The following FBXL7 variants were observed in gnomAD, a reference collection of about 807,000 sequenced individuals.
FBXL7 encodes F-box and leucine rich repeat protein 7, also known as F-box/LRR-repeat protein 7.
Under a neutral mutation model 38.3 loss-of-function variants are expected in FBXL7, and 12 were observed. That is an observed-to-expected ratio of 0.31 (90% confidence interval 0.20 to 0.51). The LOEUF (loss-of-function observed/expected upper bound fraction) is 0.51, where lower values mean the gene tolerates loss of function less well. Among genes scored for constraint, FBXL7 ranks in the 20% least tolerant of loss-of-function variants. The pLI is 0.98. For synonymous variants in FBXL7, 297 were observed against 300.9 expected (o/e 0.99, Z 0.13); for missense variants, 567 against 676.4 (o/e 0.84, Z 1.79).
chr5:15,894,175 C>T (rs190086093), intron 2 of FBXL7, among the ~76,000 whole-genome samples: 15 of 152,338 alleles, frequency 9.8e-5, no homozygotes, highest in African/African-American at 3.4e-4. Context: ...ACTTGCTCCT[C>T]GCTTGAACTC....
intron 2 of FBXL7, among the ~76,000 whole-genome samples, chr5:15,780,134 C>T (rs1407700938): frequency 1.3e-5 from 2 of 152,106 alleles, no homozygotes; most frequent in African/African-American, 4.8e-5. Context: ...GTAACTGGAT[C>T]ACAGTTTGCA....
intron 1 of FBXL7, among the ~76,000 whole-genome samples, chr5:15,506,063 G>T (rs901010963): frequency 6.6e-6 from 1 of 152,044 alleles, no homozygotes; most frequent in Non-Finnish European, 1.5e-5. Flanking sequence ...ACAGTTTTAC[G>T]GATAGAATAT....
chr5:15,903,586 G>T (rs966310285), intron 2 of FBXL7, among the ~76,000 whole-genome samples: 1 of 152,056 alleles, frequency 6.6e-6, no homozygotes, highest in Non-Finnish European at 1.5e-5. Flanking sequence ...TTTAAAGGAG[G>T]TTAGAAAACT....
At chr5:15,628,608 A>G (rs1411101305) in intron 2 of FBXL7, among the ~76,000 whole-genome samples, 2 of 152,336 alleles carry the variant, frequency 1.3e-5, no homozygotes, top group East Asian at 3.9e-4. Context: ...TAATCCATCC[A>G]TTAACACGTC....
At chr5:15,773,829 A>G (rs1035314267) in intron 2 of FBXL7, among the ~76,000 whole-genome samples, 1 of 151,960 alleles carries the variant, frequency 6.6e-6, no homozygotes, top group African/African-American at 2.4e-5. Context: ...GAACAGGGGG[A>G]TGAGTGAAAG....
rs554057489 is a variant in FBXL7, at chr5:15,602,513, A to C, written c.38-13470A>C. ...CCTACTTTTGGAGATGTGGGAGGGG[A>C]CAAGGCAGACATGGAGCCTACTCTC... On this transcript the variant is annotated intron_variant, in intron 1 of 3. Coordinates refer to ENST00000504595, the MANE Select transcript of FBXL7 (RefSeq NM_012304.5). 1.8e-3 allele frequency among the ~76,000 whole-genome samples: 276 copies of C among 152,288 alleles called. 1 individual carries two copies. The highest frequency in any genetic ancestry group is 6.4e-3 in the African/African-American group (268 of 41,570).
intron 2 of FBXL7, among the ~76,000 whole-genome samples, chr5:15,717,173 G>A (rs1455479678): frequency 6.6e-6 from 1 of 152,100 alleles, no homozygotes; most frequent in African/African-American, 2.4e-5. Context: ...AGTATTTGCC[G>A]GGGAAGGTCA....
chr5:15,641,232 C>T (rs1023454239), intron 2 of FBXL7, among the ~76,000 whole-genome samples: 6 of 152,178 alleles, frequency 3.9e-5, no homozygotes, highest in Non-Finnish European at 5.9e-5. Flanking sequence ...CCACCTAAAC[C>T]TTTCCATGAG....
At chr5:15,822,641 T>C (rs904877168) in intron 2 of FBXL7, among the ~76,000 whole-genome samples, 1 of 145,360 alleles carries the variant, frequency 6.9e-6, no homozygotes, top group Non-Finnish European at 1.5e-5. Flanking sequence ...TTTTTTTTTT[T>C]CTTGCAGGGC....
At chr5:15,663,621 CATTT>C (rs1374440970) in intron 2 of FBXL7, among the ~76,000 whole-genome samples, 8 of 151,878 alleles carry the variant, frequency 5.3e-5, no homozygotes, top group Non-Finnish European at 8.8e-5. Flanking sequence ...TGATGAATCA[CATTT>C]ATTTGTTTGC....
intron 2 of FBXL7, among the ~76,000 whole-genome samples, chr5:15,897,390 G>A (rs1368312295): frequency 1.3e-5 from 2 of 152,170 alleles, no homozygotes; most frequent in Admixed American, 1.3e-4. Context: ...TTGGAAAATA[G>A]TTTTGAACAG....
chr5:15,833,699 C>T (rs577763811), intron 2 of FBXL7, among the ~76,000 whole-genome samples: 1 of 152,288 alleles, frequency 6.6e-6, no homozygotes, highest in African/African-American at 2.4e-5. Context: ...CACGGAGACC[C>T]ATATTCAAGC....
At chr5:15,577,223 G>C (rs1580381244) in intron 1 of FBXL7, among the ~76,000 whole-genome samples, 1 of 152,122 alleles carries the variant, frequency 6.6e-6, no homozygotes, top group Admixed American at 6.5e-5. Context: ...TGAGAACTCT[G>C]GGTCAGCGTG....
At chr5:15,786,279 C>T (rs943474064) in intron 2 of FBXL7, among the ~76,000 whole-genome samples, 18 of 152,104 alleles carry the variant, frequency 1.2e-4, no homozygotes, top group African/African-American at 4.1e-4. Context: ...TCCCTCCCTC[C>T]CTTCTTTCAT....
At position 15,936,782 on chromosome 5, in the gene FBXL7, G is replaced by A. The variant is rs746538228; in HGVS notation, c.1072G>A (p.Ala358Thr). The change falls in exon 4 of 4, where the codon GCG (alanine) becomes ACG (threonine). Residue 358 changes from alanine (A) to threonine (T), a missense_variant. Ala to Thr is a moderately conservative substitution (Grantham distance 58). Transcript: ENST00000504595. The surrounding 1 kb of genome is among the most constrained non-coding windows in gnomAD (Gnocchi z 6.0). ...LESRLRYLSI[A>T]HCGRVTDVGI... The stretch of plus-strand genomic sequence containing the variant: ...GTCCCGCCTGCGGTACCTGAGCATC[G>A]CGCACTGCGGCCGGGTCACCGACGT... 4.3e-6 allele frequency: 7 copies of A among 1,611,450 alleles called. No homozygotes were observed. Among genetic ancestry groups the A allele is most frequent in the African/African-American group, 1.3e-5 (1 of 74,900 alleles).
At chr5:15,844,884 AC>A (rs1308415151) in intron 2 of FBXL7, among the ~76,000 whole-genome samples, 1 of 152,166 alleles carries the variant, frequency 6.6e-6, no homozygotes, top group African/African-American at 2.4e-5. Flanking sequence ...CTCCCTAAAA[AC>A]AGACTTCAGA....
At chr5:15,581,211 A>G (rs1275365354) in intron 1 of FBXL7, among the ~76,000 whole-genome samples, 5 of 152,176 alleles carry the variant, frequency 3.3e-5, no homozygotes, top group East Asian at 1.9e-4. Flanking sequence ...CAGATCAGCA[A>G]TTCTCCTACT....
In FBXL7 at chr5:15,571,082, A is replaced by T. The variant is rs1475129403; in HGVS notation, c.38-44901A>T. ...ACTCCAGCCTGGGCAACAGAGCAAG[A>T]TTCTGTCTTTAAAAAAAAAAAAAAA... On this transcript the variant is annotated intron_variant, in intron 1 of 3. Coordinates refer to ENST00000504595, the MANE Select transcript of FBXL7 (RefSeq NM_012304.5). Among the ~76,000 whole-genome samples the T allele has an allele frequency of 6.4e-5, 9 of 141,074 alleles. No individual in the cohort carries two copies. The Admixed American group carries it at 6.4e-4, about 10-fold the overall frequency. The allele number at this position is 141,074 out of a possible 152,430, so 92.6% of individuals were successfully genotyped here.
intron 2 of FBXL7, among the ~76,000 whole-genome samples, chr5:15,707,627 C>T (rs775624163): frequency 6.6e-6 from 1 of 152,144 alleles, no homozygotes; most frequent in African/African-American, 2.4e-5. Flanking sequence ...GGAGCAGAAG[C>T]TTGGAAGGCA....
Sources: gnomAD v4.1 joint callset for allele counts (sites outside exome capture counted in the v4.1 genomes callset) on GRCh38, gnomAD v4.1.1 for gene constraint, Gnocchi (gnomAD v3.1) non-coding constraint, MANE v1.5 for transcripts, NCBI Gene and HGNC (gene_info 2026-07-23, HGNC 2026-07-21) for gene names.